The following SCHIP1 variants were observed in gnomAD, a reference collection of about 807,000 sequenced individuals.
SCHIP1 encodes the protein schwannomin-interacting protein 1.
In SCHIP1, 8 loss-of-function variants were observed where a neutral mutation model predicts 29.7. That is an observed-to-expected ratio of 0.27 (90% CI 0.16 to 0.49). SCHIP1 has a LOEUF of 0.49. SCHIP1 is among the 20% of genes least tolerant of loss of function. The probability of loss-of-function intolerance (pLI) is 0.99; values close to 1 mark genes in which losing one functional copy is unlikely to be tolerated. For missense variants in SCHIP1, 193 were observed against 294.6 expected, an observed-to-expected ratio of 0.66 and a Z score of 2.52; for synonymous variants, 76 against 94.9, an observed-to-expected ratio of 0.80 and a Z score of 1.16.
the SCHIP1 span, among the ~76,000 whole-genome samples, chr3:159,750,996 T>A: frequency 5.3e-5 from 8 of 152,314 alleles, no homozygotes; most frequent in South Asian, 6.2e-4. Context: ...TAAAAACACA[T>A]AAACTTTTTT....
At chr3:159,833,527 T>G in the SCHIP1 span, among the ~76,000 whole-genome samples, 2 of 152,198 alleles carry the variant, frequency 1.3e-5, no homozygotes, top group Non-Finnish European at 2.9e-5. Context: ...TAATTTTACC[T>G]TGCCGCTTGG....
chr3:159,764,737 C>T, the SCHIP1 span: 2 of 1,572,208 alleles, frequency 1.3e-6, no homozygotes, highest in African/African-American at 1.4e-5. The surrounding 1 kb of genome is among the most constrained non-coding windows in gnomAD (Gnocchi z 6.1). Context: ...CTCTCCGGCC[C>T]GGGAACCGGG....
chr3:159,655,997 T>C, the SCHIP1 span, among the ~76,000 whole-genome samples: 2 of 152,142 alleles, frequency 1.3e-5, no homozygotes, highest in African/African-American at 4.8e-5. Context: ...GAAGGAAAGA[T>C]GGGGTAACAG....
chr3:159,527,471 T>C, the SCHIP1 span, among the ~76,000 whole-genome samples: 1 of 152,172 alleles, frequency 6.6e-6, no homozygotes, highest in South Asian at 2.1e-4. Flanking sequence ...TAAGAAACAA[T>C]TGACTAAACA....
At chr3:159,591,682 A>G in the SCHIP1 span, among the ~76,000 whole-genome samples, 1 of 152,114 alleles carries the variant, frequency 6.6e-6, no homozygotes, top group Admixed American at 6.6e-5. Context: ...AAAACCAAAC[A>G]CCACATGTTC....
At chr3:159,808,182 A>G in the SCHIP1 span, among the ~76,000 whole-genome samples, 1 of 152,224 alleles carries the variant, frequency 6.6e-6, no homozygotes, top group African/African-American at 2.4e-5. Flanking sequence ...AATATTAAGC[A>G]TATTCTGGTT....
At chr3:159,346,189 GA>G in the SCHIP1 span, among the ~76,000 whole-genome samples, 2,030 of 72,734 alleles carry the variant, frequency 0.028, 38 homozygotes, top group East Asian at 0.18. Context: ...CTCTGTCTCA[GA>G]AAAAAAAAAA....
chr3:159,400,591 C>CTT, the SCHIP1 span, among the ~76,000 whole-genome samples: 1 of 152,276 alleles, frequency 6.6e-6, no homozygotes, highest in Admixed American at 6.5e-5. Flanking sequence ...AGCTCCTTTT[C>CTT]TTTCTACTAC....
chr3:159,530,080 A>G, the SCHIP1 span, among the ~76,000 whole-genome samples: 1 of 152,310 alleles, frequency 6.6e-6, no homozygotes, highest in Admixed American at 6.5e-5. Flanking sequence ...TACTTCTTCA[A>G]TATACTGATT....
At chr3:159,546,042 TTTAC>T in the SCHIP1 span, among the ~76,000 whole-genome samples, 245 of 152,196 alleles carry the variant, frequency 1.6e-3, no homozygotes, top group South Asian at 0.011. Context: ...GATATTTTTG[TTTAC>T]TTGTTTTATC....
exon 2 of SCHIP1, chr3:159,866,266 C>G (rs1430643642): frequency 6.2e-7 from 1 of 1,613,474 alleles, no homozygotes; most frequent in Admixed American, 1.7e-5. Flanking sequence ...AGTGGGAAGC[C>G]AAGCCTTTCC....
At chr3:159,714,006 G>C in the SCHIP1 span, among the ~76,000 whole-genome samples, 1 of 152,198 alleles carries the variant, frequency 6.6e-6, no homozygotes, top group Admixed American at 6.5e-5. Flanking sequence ...GGAGGCCAAG[G>C]TGGGTGGATC....
chr3:159,654,788 T>C, the SCHIP1 span, among the ~76,000 whole-genome samples: 1 of 132,494 alleles, frequency 7.5e-6, no homozygotes, highest in Non-Finnish European at 1.5e-5. Context: ...TACAACATGA[T>C]CTATGACTTT....
chr3:159,744,888 G>T, the SCHIP1 span, among the ~76,000 whole-genome samples: 1 of 152,184 alleles, frequency 6.6e-6, no homozygotes, highest in Non-Finnish European at 1.5e-5. Context: ...GGGAGGCTGA[G>T]GCAGGAGAAT....
the SCHIP1 span, chr3:159,764,282 C>T: frequency 1.3e-6 from 1 of 766,760 alleles, no homozygotes; most frequent in Non-Finnish European, 2.0e-6. The surrounding 1 kb of genome is among the most constrained non-coding windows in gnomAD (Gnocchi z 6.1). Flanking sequence ...GGAGGGAAGC[C>T]TCAGGCTGGT....
the SCHIP1 span, among the ~76,000 whole-genome samples, chr3:159,448,869 C>G: frequency 1.3e-5 from 2 of 152,168 alleles, no homozygotes; most frequent in African/African-American, 4.8e-5. Context: ...TTACTCATGT[C>G]CAGCCAGCAT....
chr3:159,755,281 C>T, the SCHIP1 span, among the ~76,000 whole-genome samples: 2 of 152,298 alleles, frequency 1.3e-5, no homozygotes, highest in East Asian at 1.9e-4. Context: ...TACAGTTCCA[C>T]ATGGCTGGGG....
At chr3:159,538,574 AT>A in the SCHIP1 span, among the ~76,000 whole-genome samples, 1 of 152,172 alleles carries the variant, frequency 6.6e-6, no homozygotes, top group African/African-American at 2.4e-5. Flanking sequence ...CTACAGAAAT[AT>A]TTCATAGCTT....
chr3:159,785,580 T>G, the SCHIP1 span, among the ~76,000 whole-genome samples: 11 of 55,854 alleles, frequency 2.0e-4, no homozygotes, highest in East Asian at 0.013. Flanking sequence ...GTTTTGTTGG[T>G]TTTTTTTTTT....
Sources: allele counts gnomAD v4.1 joint callset (sites outside exome capture counted in the v4.1 genomes callset), GRCh38; gene constraint gnomAD v4.1.1; non-coding constraint Gnocchi (gnomAD v3.1); transcripts MANE v1.5; gene names NCBI Gene and HGNC (gene_info 2026-07-23, HGNC 2026-07-21).